Variants in SGCD observed in about 807,000 individuals in gnomAD.
SGCD encodes the protein sarcoglycan delta, also known as delta-sarcoglycan.
A neutral mutation model predicts 36.6 loss-of-function variants in SGCD; 18 were observed. That is an observed-to-expected ratio of 0.49 (90% CI 0.34 to 0.73). SGCD has a LOEUF of 0.73. Among genes scored for constraint, SGCD ranks in the 30% least tolerant of loss-of-function variants. The pLI, the probability that SGCD is intolerant of heterozygous loss-of-function variation, is 0.01. For synonymous variants in SGCD, 133 were observed against 130.6 expected (o/e 1.02, Z -0.12); for missense variants, 387 against 346.7 (o/e 1.12, Z -0.92).
At chr5:156,190,207 A>G (rs955797125) in intron 3 of SGCD, among the ~76,000 whole-genome samples, 11 of 152,176 alleles carry the variant, frequency 7.2e-5, no homozygotes, top group Non-Finnish European at 1.3e-4. Context: ...GTAGCAAACT[A>G]TAAGTCCATA....
At chr5:156,282,835 T>C (rs548725048) in intron 3 of SGCD, among the ~76,000 whole-genome samples, 58 of 152,314 alleles carry the variant, frequency 3.8e-4, no homozygotes, top group Admixed American at 3.3e-3. Context: ...CTACAATGTC[T>C]GTGATGTTCC....
intron 3 of SGCD, among the ~76,000 whole-genome samples, chr5:156,362,987 T>A (rs1769890367): frequency 6.6e-6 from 1 of 152,178 alleles, no homozygotes; most frequent in Non-Finnish European, 1.5e-5. Context: ...TTTGCAGCTT[T>A]CCCTAAATTG....
In SGCD at chr5:156,677,457, C is replaced by A. The variant is rs148491692; in HGVS notation, c.575+29921C>A. On this transcript the variant is annotated intron_variant, in intron 7 of 8. Transcript: ENST00000337851. ...CGCAAGGACAGAAAACCAAACACCA[C>A]ATGTTCTCACTCATAGGTGGGAATT... 2.6e-4 allele frequency among the ~76,000 whole-genome samples: 40 copies of A among 152,040 alleles called. No individual in the cohort carries two copies. In the East Asian group the frequency reaches 7.4e-3, roughly 28 times the overall value.
At chr5:156,710,056 C>A (rs1011570543) in intron 7 of SGCD, among the ~76,000 whole-genome samples, 1 of 151,990 alleles carries the variant, frequency 6.6e-6, no homozygotes, top group African/African-American at 2.4e-5. Context: ...AGTTTTCTTG[C>A]GTCCTGAGCC....
intron 1 of SGCD, among the ~76,000 whole-genome samples, chr5:155,945,402 G>T (rs1349647119): frequency 2.6e-5 from 4 of 152,262 alleles, no homozygotes; most frequent in East Asian, 1.9e-4. Context: ...GAAAACAGTG[G>T]TAAGAACAAT....
the SGCD span, among the ~76,000 whole-genome samples, chr5:155,809,917 T>C: frequency 6.6e-6 from 1 of 152,190 alleles, no homozygotes; most frequent in Non-Finnish European, 1.5e-5. Flanking sequence ...TCCTGGCCAG[T>C]CAGTGGCCTC....
intron 7 of SGCD, among the ~76,000 whole-genome samples, chr5:156,715,324 A>C (rs1755169268): frequency 6.6e-6 from 1 of 152,222 alleles, no homozygotes; most frequent in Non-Finnish European, 1.5e-5. Flanking sequence ...ACTCATCAGC[A>C]AAGGGTAATT....
chr5:156,543,181 G>A (rs368259983), intron 4 of SGCD, among the ~76,000 whole-genome samples: 4 of 152,202 alleles, frequency 2.6e-5, no homozygotes, highest in Admixed American at 2.6e-4. Flanking sequence ...TCTTTATTGC[G>A]GGAGCTGTCC....
chr5:156,651,189 C>A (rs1286542085), intron 7 of SGCD, among the ~76,000 whole-genome samples: 1 of 151,950 alleles, frequency 6.6e-6, no homozygotes, highest in Non-Finnish European at 1.5e-5. Flanking sequence ...GATAACATAT[C>A]TTTGTCAGAT....
At chr5:156,511,722 A>G (rs1211855813) in intron 4 of SGCD, among the ~76,000 whole-genome samples, 1 of 152,114 alleles carries the variant, frequency 6.6e-6, no homozygotes, top group African/African-American at 2.4e-5. Flanking sequence ...CATTCTTATC[A>G]TGTTTATATG....
chr5:156,678,823 T>G (rs2113677171), intron 7 of SGCD, among the ~76,000 whole-genome samples: 1 of 152,308 alleles, frequency 6.6e-6, no homozygotes, highest in Non-Finnish European at 1.5e-5. Context: ...TATGCCCTAT[T>G]AACATTTTAA....
the SGCD span, among the ~76,000 whole-genome samples, chr5:155,835,960 A>G: frequency 6.6e-6 from 1 of 152,140 alleles, no homozygotes. Context: ...TTTACTGTCT[A>G]GGAAAACATA....
intron 1 of SGCD, among the ~76,000 whole-genome samples, chr5:156,003,480 G>T (rs1199690995): frequency 2.0e-5 from 3 of 152,172 alleles, no homozygotes; most frequent in African/African-American, 7.2e-5. Flanking sequence ...CTCTTTCCCG[G>T]AGCTGTCTGA....
At chr5:155,936,969 GC>G (rs1226328062) in intron 1 of SGCD, among the ~76,000 whole-genome samples, 1 of 152,206 alleles carries the variant, frequency 6.6e-6, no homozygotes, top group Non-Finnish European at 1.5e-5. Context: ...GCACCCAGGA[GC>G]CCCGCCCTCA....
chr5:155,837,589 C>T, the SGCD span, among the ~76,000 whole-genome samples: 4 of 152,320 alleles, frequency 2.6e-5, no homozygotes, highest in East Asian at 7.7e-4. Flanking sequence ...GGACATAAGT[C>T]ATGGCATCCA....
chr5:156,210,687 A>G (rs1355273976), intron 3 of SGCD, among the ~76,000 whole-genome samples: 1 of 151,686 alleles, frequency 6.6e-6, no homozygotes, highest in Non-Finnish European at 1.5e-5. Context: ...AATGCAATGA[A>G]GAGATTTAGA....
chr5:155,922,792 C>T (rs1211353284), intron 1 of SGCD, among the ~76,000 whole-genome samples: 1 of 152,056 alleles, frequency 6.6e-6, no homozygotes, highest in Non-Finnish European at 1.5e-5. Flanking sequence ...TATTTTTAGC[C>T]CCCAAAGAAA....
chr5:156,490,994 G>A (rs576591645), intron 3 of SGCD, among the ~76,000 whole-genome samples: 5 of 152,012 alleles, frequency 3.3e-5, no homozygotes, highest in South Asian at 4.2e-4. Flanking sequence ...AATGACAAAC[G>A]AATTCAGTAA....
At chr5:156,394,880 T>C (rs1771766204) in intron 3 of SGCD, among the ~76,000 whole-genome samples, 1 of 152,232 alleles carries the variant, frequency 6.6e-6, no homozygotes, top group Admixed American at 6.5e-5. Context: ...GGAAACACTG[T>C]GTAAACATAT....
Sources: allele counts gnomAD v4.1 joint callset (sites outside exome capture counted in the v4.1 genomes callset), GRCh38; gene constraint gnomAD v4.1.1; transcripts MANE v1.5; gene names NCBI Gene and HGNC (gene_info 2026-07-23, HGNC 2026-07-21).